The following AFAP1L2 variants were observed in gnomAD, a reference collection of about 807,000 sequenced individuals.
AFAP1L2 encodes actin filament-associated protein 1-like 2.
In AFAP1L2, 46 loss-of-function variants were observed where a neutral mutation model predicts 99.3. The observed-to-expected ratio is 0.46, with a 90% CI of 0.37 to 0.59. AFAP1L2 has a LOEUF of 0.59. Ranked by LOEUF, AFAP1L2 falls within the 20% of genes least tolerant of loss-of-function variation. The pLI is 0.00. For missense variants in AFAP1L2, 959 were observed against 1,034.9 expected (o/e 0.93, Z 1.01); for synonymous variants, 397 against 419.1 (o/e 0.95, Z 0.64).
intron 10 of AFAP1L2, among the ~76,000 whole-genome samples, chr10:114,306,670 C>G (rs2042503335): frequency 6.6e-6 from 1 of 152,062 alleles, no homozygotes; most frequent in African/African-American, 2.4e-5. Context: ...CCACAGAGAA[C>G]TTTGGATCAT....
chr10:114,398,781 G>T (rs2057969242), intron 1 of AFAP1L2: 2 of 1,280,050 alleles, frequency 1.6e-6, no homozygotes, highest in Admixed American at 4.6e-5. Context: ...GGCAGAGCCA[G>T]GTCTGCACCC....
intron 1 of AFAP1L2, among the ~76,000 whole-genome samples, chr10:114,367,596 G>C (rs943850057): frequency 1.3e-5 from 2 of 152,170 alleles, no homozygotes; most frequent in Non-Finnish European, 2.9e-5. Context: ...CTGATAACAG[G>C]GGACTGAGGC....
In AFAP1L2 at chr10:114,315,781, G is replaced by T. The variant is rs773960629; in HGVS notation, c.407-16C>A. ...TCTCCGTCCTCTGCAAGGAAGACCA[G>T]CTCGGTCAGGGCCCCATGGGGCAGG... On this transcript the variant is annotated splice_polypyrimidine_tract_variant and intron_variant, in intron 5 of 18. Transcript: ENST00000304129. 6.3e-7 allele frequency: 1 copy of T among 1,599,690 alleles called. No homozygotes were observed. The highest frequency in any genetic ancestry group is 8.5e-7 in the Non-Finnish European group (1 of 1,172,920).
rs769212235 is a variant in AFAP1L2 at position 114,304,857 on chromosome 10, G to A, written c.1146C>T (p.Phe382=). 2.5e-6 allele frequency: 4 copies of A among 1,613,522 alleles called. No individual in the cohort carries two copies. Among genetic ancestry groups the A allele is most frequent in the Non-Finnish European group, 2.5e-6 (3 of 1,180,032 alleles). ...CCTTGCTCCGGTTCCGGTCCTGGTA[G>A]AAGTGCAGGTGATTGTCCCTGACAG... ...WCSVRDNHLH[F]YQDRNRSKVA... Residue 382 remains phenylalanine (F), a synonymous_variant, in exon 11 of 19, where the codon TTC becomes TTT. Coordinates refer to ENST00000304129, the MANE Select transcript of AFAP1L2 (RefSeq NM_001001936.3).
chr10:114,289,515 G>T, the AFAP1L2 span: 1 of 1,611,734 alleles, frequency 6.2e-7, no homozygotes, highest in South Asian at 1.1e-5. Flanking sequence ...CACACCCTCA[G>T]GGCTGCCCCC....
upstream of AFAP1L2, chr10:114,404,683 G>T: frequency 2.0e-6 from 1 of 492,090 alleles, no homozygotes; most frequent in South Asian, 8.4e-5. Context: ...ACTCCGGCCC[G>T]CCGAGGCTGA....
chr10:114,369,286 T>A (rs554528210), intron 1 of AFAP1L2, among the ~76,000 whole-genome samples: 2 of 152,200 alleles, frequency 1.3e-5, no homozygotes, highest in African/African-American at 4.8e-5. Context: ...GTGAGATGTC[T>A]GTCTCTATTT....
intron 11 of AFAP1L2, 104 bp from the exon 12 acceptor site, chr10:114,302,588 A>G (rs1334471723): frequency 6.9e-7 from 1 of 1,450,938 alleles, no homozygotes; most frequent in African/African-American, 1.4e-5. Flanking sequence ...GAGCCTGCCC[A>G]CGAAAGCCTC....
intron 1 of AFAP1L2, among the ~76,000 whole-genome samples, chr10:114,386,051 C>T (rs2056459348): frequency 6.6e-6 from 1 of 152,088 alleles, no homozygotes; most frequent in African/African-American, 2.4e-5. Flanking sequence ...CAGGCCGAGA[C>T]TCGGCTGAGA....
intron 5 of AFAP1L2, among the ~76,000 whole-genome samples, chr10:114,322,085 TC>T (rs917058890): frequency 2.0e-5 from 3 of 152,120 alleles, no homozygotes; most frequent in Non-Finnish European, 4.4e-5. Flanking sequence ...AAGGGGAGTT[TC>T]CCTGTACACG....
intron 7 of AFAP1L2, among the ~76,000 whole-genome samples, chr10:114,311,209 G>A (rs1243615958): frequency 2.0e-5 from 3 of 152,164 alleles, no homozygotes; most frequent in African/African-American, 7.2e-5. Flanking sequence ...CTGGGCTGGG[G>A]GCAGATGCAG....
At chr10:114,304,155 T>G (rs1171056939) in intron 11 of AFAP1L2, among the ~76,000 whole-genome samples, 2 of 152,168 alleles carry the variant, frequency 1.3e-5, no homozygotes, top group Non-Finnish European at 2.9e-5. Flanking sequence ...GATGAGGACC[T>G]CCACATCAAA....
At chr10:114,318,739 T>TAAAAAAAAAAAAAAAAAA (rs1354030131) in intron 5 of AFAP1L2, among the ~76,000 whole-genome samples, 7 of 90,996 alleles carry the variant, frequency 7.7e-5, no homozygotes, top group Non-Finnish European at 1.2e-4. Context: ...AGACTCTGTC[T>TAAAAAAAAAAAAAAAAAA]AAAAAAAAGA....
intron 8 of AFAP1L2, among the ~76,000 whole-genome samples, chr10:114,309,189 T>C (rs1033812718): frequency 2.0e-5 from 3 of 152,218 alleles, no homozygotes; most frequent in African/African-American, 4.8e-5. Context: ...TTAGGCAGGG[T>C]CCAGGGCCAG....
At chr10:114,369,728 C>T (rs554285637) in intron 1 of AFAP1L2, among the ~76,000 whole-genome samples, 1 of 152,084 alleles carries the variant, frequency 6.6e-6, no homozygotes, top group Non-Finnish European at 1.5e-5. Flanking sequence ...CTGGTTTTAC[C>T]TATGCCTCCA....
intron 5 of AFAP1L2, among the ~76,000 whole-genome samples, chr10:114,316,330 T>C (rs1393345719): frequency 6.6e-6 from 1 of 152,128 alleles, no homozygotes; most frequent in Non-Finnish European, 1.5e-5. Context: ...GGGCTGTGGC[T>C]CCTCAGAAAT....
At chr10:114,335,463 A>C (rs1470760990) in intron 2 of AFAP1L2, among the ~76,000 whole-genome samples, 1 of 152,058 alleles carries the variant, frequency 6.6e-6, no homozygotes, top group African/African-American at 2.4e-5. Context: ...AATACAAAAA[A>C]TTAGCCAGGT....
intron 1 of AFAP1L2, among the ~76,000 whole-genome samples, chr10:114,391,097 G>C (rs1191226429): frequency 6.6e-6 from 1 of 152,104 alleles, no homozygotes; most frequent in Non-Finnish European, 1.5e-5. Context: ...CTTTCTGCCA[G>C]CTGCCTATTA....
chr10:114,373,281 T>A (rs981099365), intron 1 of AFAP1L2, among the ~76,000 whole-genome samples: 3 of 151,922 alleles, frequency 2.0e-5, no homozygotes, highest in Admixed American at 6.6e-5. Flanking sequence ...TTTGCAAAAT[T>A]TGCATTACAG....
Sources: gnomAD v4.1 joint callset for allele counts (sites outside exome capture counted in the v4.1 genomes callset) on GRCh38, gnomAD v4.1.1 for gene constraint, MANE v1.5 for transcripts, NCBI Gene and HGNC (gene_info 2026-07-23, HGNC 2026-07-21) for gene names.